APCDD1: variants seen among roughly 807,000 people sequenced by gnomAD.
The protein encoded by APCDD1 is APC down-regulated 1.
A neutral mutation model predicts 38.1 loss-of-function variants in APCDD1; 15 were observed. The ratio of observed to expected loss-of-function variants is 0.39; its 90% confidence interval spans 0.26 to 0.61. The LOEUF (loss-of-function observed/expected upper bound fraction) is 0.61. APCDD1 is among the 20% of genes least tolerant of loss of function. The pLI, the probability that APCDD1 is intolerant of heterozygous loss-of-function variation, is 0.49. For missense variants in APCDD1, 647 were observed against 696.2 expected, an observed-to-expected ratio of 0.93 and a Z score of 0.79; for synonymous variants, 261 against 279.7, an observed-to-expected ratio of 0.93 and a Z score of 0.67.
At chr18:10,486,205 T>C (rs557112004) in intron 4 of APCDD1, among the ~76,000 whole-genome samples, 1 of 152,116 alleles carries the variant, frequency 6.6e-6, no homozygotes, top group Non-Finnish European at 1.5e-5. Context: ...ATAAAATAAA[T>C]TAGCTGGATG....
In APCDD1 at chr18:10,471,913, T is replaced by C; in HGVS notation, c.626T>C (p.Leu209Pro). ...GCCGTGAACTTTGCCATGCATGAACTTCAGCTCATCCGGGTGGAGAAGCAG... is the reference window on the plus strand; with the variant it reads ...GCCGTGAACTTTGCCATGCATGAACCTCAGCTCATCCGGGTGGAGAAGCAG... ...TKAVNFAMHE[L>P]QLIRVEKQYL... is the part of the protein sequence containing the mutation. The change falls in exon 3 of 5, where the codon CTT becomes CCT. Residue 209 changes from leucine to proline, a missense_variant. Physicochemically the swap from Leu to Pro is moderately conservative, Grantham distance 98. Coordinates refer to ENST00000355285, the MANE Select transcript of APCDD1 (RefSeq NM_153000.5). This position sits in a 1 kb window ranked among gnomAD's most constrained non-coding sequence, Gnocchi z 5.5. The C allele has an allele frequency of 6.2e-7, 1 of 1,614,138 alleles. No homozygotes were observed. Among genetic ancestry groups the C allele is most frequent in the South Asian group, 1.1e-5 (1 of 91,088 alleles).
intron 4 of APCDD1, 90 bp from the exon 5 acceptor site, chr18:10,487,499 CT>C (rs1472333485): frequency 1.8e-5 from 23 of 1,298,096 alleles, no homozygotes; most frequent in Non-Finnish European, 2.4e-5. Context: ...AAAGCCTTGT[CT>C]AGTTAGAGTG....
chr18:10,468,269 C>T (rs1481277535), intron 1 of APCDD1, among the ~76,000 whole-genome samples, 200 bp from the exon 2 acceptor site: 1 of 152,248 alleles, frequency 6.6e-6, no homozygotes, highest in Non-Finnish European at 1.5e-5. Flanking sequence ...TCAGTTTTCT[C>T]ACCAGGGAAT....
At chr18:10,473,194 C>G (rs1226840327) in intron 3 of APCDD1, among the ~76,000 whole-genome samples, 1 of 152,196 alleles carries the variant, frequency 6.6e-6, no homozygotes, top group Non-Finnish European at 1.5e-5. Flanking sequence ...AAAGACTGCT[C>G]CGTGTTATCT....
intron 1 of APCDD1, among the ~76,000 whole-genome samples, chr18:10,461,938 A>C (rs1598394846): frequency 6.6e-6 from 1 of 151,206 alleles, no homozygotes; most frequent in Admixed American, 6.6e-5. Context: ...AGAGGAAAAA[A>C]CTCCGTAGTC....
chr18:10,459,998 T>C (rs1598394296), intron 1 of APCDD1, among the ~76,000 whole-genome samples: 2 of 152,352 alleles, frequency 1.3e-5, no homozygotes, highest in Middle Eastern at 6.8e-3. Context: ...TTAGTCCTTT[T>C]CAAGTTCAGG....
intron 3 of APCDD1, among the ~76,000 whole-genome samples, chr18:10,474,574 C>G (rs888254151): frequency 2.0e-5 from 3 of 152,220 alleles, no homozygotes; most frequent in African/African-American, 7.2e-5. Context: ...GGTTCCTTTT[C>G]CTCACCTTCA....
At chr18:10,484,364 C>A (rs1454280703) in intron 3 of APCDD1, among the ~76,000 whole-genome samples, 1 of 152,230 alleles carries the variant, frequency 6.6e-6, no homozygotes, top group Non-Finnish European at 1.5e-5. Flanking sequence ...GCCAGTGGAG[C>A]GCTGGCCTTT....
chr18:10,483,205 A>G (rs2143559271), intron 3 of APCDD1, among the ~76,000 whole-genome samples: 1 of 152,336 alleles, frequency 6.6e-6, no homozygotes, highest in Admixed American at 6.5e-5. Flanking sequence ...TCCGTGACGT[A>G]ATTAAGCTCT....
At chr18:10,456,499 AG>A (rs1371690746) in intron 1 of APCDD1, among the ~76,000 whole-genome samples, 2 of 152,224 alleles carry the variant, frequency 1.3e-5, no homozygotes, top group Non-Finnish European at 2.9e-5. Flanking sequence ...TGAAGAAAAA[AG>A]ATAGTATGGT....
chr18:10,479,930 A>C (rs1377123579), intron 3 of APCDD1, among the ~76,000 whole-genome samples: 3 of 152,228 alleles, frequency 2.0e-5, no homozygotes, highest in African/African-American at 7.2e-5. Context: ...TCATTTTTAG[A>C]ACAAGTTTAA....
chr18:10,461,770 G>A (rs1369284318), intron 1 of APCDD1, among the ~76,000 whole-genome samples: 2 of 152,090 alleles, frequency 1.3e-5, no homozygotes, highest in East Asian at 3.8e-4. Flanking sequence ...CTTTTTTGCA[G>A]ATTCACTCGC....
chr18:10,465,215 T>C (rs1029039413), intron 1 of APCDD1, among the ~76,000 whole-genome samples: 2 of 152,210 alleles, frequency 1.3e-5, no homozygotes, highest in African/African-American at 2.4e-5. Context: ...CCAGTCTCCG[T>C]TGGCCTCCAG....
intron 3 of APCDD1, among the ~76,000 whole-genome samples, chr18:10,480,093 G>A (rs921130581): frequency 1.3e-5 from 2 of 152,128 alleles, no homozygotes; most frequent in African/African-American, 4.8e-5. Context: ...AGAAGCTCTG[G>A]CTTTAAATAG....
chr18:10,463,119 C>T (rs1046905136), intron 1 of APCDD1, among the ~76,000 whole-genome samples: 13 of 151,888 alleles, frequency 8.6e-5, no homozygotes, highest in African/African-American at 3.1e-4. Flanking sequence ...CTTAGAGCCT[C>T]CTATGCGAAT....
At chr18:10,479,926 T>C (rs770136983) in intron 3 of APCDD1, among the ~76,000 whole-genome samples, 4 of 152,250 alleles carry the variant, frequency 2.6e-5, no homozygotes, top group Non-Finnish European at 4.4e-5. Flanking sequence ...TTTCTCATTT[T>C]TAGAACAAGT....
intron 1 of APCDD1, among the ~76,000 whole-genome samples, chr18:10,462,591 CTCCTTCCTTCCTTCCTTCCT>C (rs565458903): frequency 4.3e-5 from 1 of 23,196 alleles, no homozygotes; most frequent in Non-Finnish European, 7.1e-5. Flanking sequence ...CCTTCCCTCC[CTCCTTCCTTCCTTCCTTCCT>C]TCCTTCCTTC....
Position 10,472,190 on chromosome 18 carries a change from G to A in APCDD1, c.774+129G>A. The stretch of plus-strand genomic sequence containing the variant: ...GCATCATGGCGGGGCAGGCCAAGGT[G>A]GGGCTGCTGCGAGGTGGGAGGAGAT... On this transcript the variant is annotated intron_variant, in intron 3 of 4. Coordinates refer to ENST00000355285, the MANE Select transcript of APCDD1 (RefSeq NM_153000.5). This position sits in a 1 kb window ranked among gnomAD's most constrained non-coding sequence, Gnocchi z 6.6. 7.5e-7 allele frequency: 1 copy of A among 1,327,982 alleles called. No homozygotes were observed. Among genetic ancestry groups the A allele is most frequent in the Non-Finnish European group, 1.1e-6 (1 of 943,888 alleles). The allele number at this position is 1,327,982 out of a possible 1,614,324, so 82.3% of individuals were successfully genotyped here. A position where few individuals can be genotyped will look rare whatever the true frequency, so the allele number is the denominator to read the frequency against.
At chr18:10,457,594 A>G (rs150996581) in intron 1 of APCDD1, among the ~76,000 whole-genome samples, 11 of 152,324 alleles carry the variant, frequency 7.2e-5, no homozygotes, top group African/African-American at 2.2e-4. Flanking sequence ...CATTTGTTCT[A>G]TGGTGTTGGA....
Sources: allele counts gnomAD v4.1 joint callset (sites outside exome capture counted in the v4.1 genomes callset), GRCh38; gene constraint gnomAD v4.1.1; non-coding constraint Gnocchi (gnomAD v3.1); transcripts MANE v1.5; gene names NCBI Gene and HGNC (gene_info 2026-07-23, HGNC 2026-07-21).